The following ACVR2B variants were observed in gnomAD, a reference collection of about 807,000 sequenced individuals.
The protein encoded by ACVR2B is activin A receptor type 2B.
In ACVR2B, 18 loss-of-function variants were observed where a neutral mutation model predicts 65.1. The ratio of observed to expected loss-of-function variants is 0.28; its 90% CI spans 0.19 to 0.41. ACVR2B has a LOEUF of 0.41. Ranked by LOEUF, ACVR2B falls within the 10% of genes least tolerant of loss-of-function variation. The pLI, the probability that ACVR2B is intolerant of heterozygous loss-of-function variation, is 1.00. For missense variants in ACVR2B, 482 were observed against 682.7 expected (o/e 0.71, Z 3.28); for synonymous variants, 298 against 277.7 (o/e 1.07, Z -0.73).
chr3:38,467,205 C>T (rs911709150), intron 1 of ACVR2B, among the ~76,000 whole-genome samples: 1 of 151,986 alleles, frequency 6.6e-6, no homozygotes, highest in Admixed American at 6.5e-5. Flanking sequence ...CCAAACACTT[C>T]GGGAGGCTGA....
At chr3:38,482,628 T>A in intron 10 of ACVR2B, 68 bp downstream of exon 10, 1 of 1,577,318 alleles carries the variant, frequency 6.3e-7, no homozygotes, top group Non-Finnish European at 8.6e-7. Context: ...GTGTAGCAGG[T>A]AAGCTGAAAT....
rs1173615395 is a variant in ACVR2B at position 38,490,754 on chromosome 3, A to G, written c.*7422A>G. 1 of 152,608 alleles carries G rather than the reference A, an allele frequency of 6.6e-6. No homozygotes were observed. Among genetic ancestry groups the G allele is most frequent in the East Asian group, 1.9e-4 (1 of 5,200 alleles). The allele number at this position is 152,608 out of a possible 1,614,324, so 9.5% of individuals were successfully genotyped here. On this transcript the variant is annotated 3_prime_UTR_variant, in exon 11 of 11. Transcript: ENST00000352511. ...TCTTGATACTGCAGACTTTTAACGT[A>G]CACATGCAGGAACCCTGCTGAGCGT...
chr3:38,475,118 C>G (rs976105153), intron 1 of ACVR2B: 23 of 152,460 alleles, frequency 1.5e-4, no homozygotes, highest in African/African-American at 5.3e-4. Context: ...TTCGAATAAC[C>G]CAGTAATTGG....
chr3:38,474,892 G>A (rs1181423326), intron 1 of ACVR2B: 3 of 152,258 alleles, frequency 2.0e-5, no homozygotes, highest in Non-Finnish European at 2.9e-5. Context: ...CTTACGCTAA[G>A]CCTAGAAGCC....
At chr3:38,454,417 G>A in intron 1 of ACVR2B, 43 bp downstream of exon 1, 1 of 1,237,408 alleles carries the variant, frequency 8.1e-7, no homozygotes, top group Non-Finnish European at 1.0e-6. Context: ...AGGGCGCGCG[G>A]GGCTGGCCTC....
intron 6 of ACVR2B, 63 bp downstream of exon 6, chr3:38,479,334 A>C: frequency 6.2e-7 from 1 of 1,611,374 alleles, no homozygotes; most frequent in Non-Finnish European, 8.5e-7. Flanking sequence ...GTGGCTCTCC[A>C]TAATATGATG....
intron 1 of ACVR2B, among the ~76,000 whole-genome samples, chr3:38,460,459 A>C (rs537362927): frequency 6.6e-6 from 1 of 152,330 alleles, no homozygotes; most frequent in East Asian, 1.9e-4. Flanking sequence ...TGGATAAAGC[A>C]GGCTGGGATT....
intron 1 of ACVR2B, among the ~76,000 whole-genome samples, chr3:38,463,675 A>G (rs1322666725): frequency 6.6e-6 from 1 of 152,182 alleles, no homozygotes; most frequent in African/African-American, 2.4e-5. Context: ...ATGACACTCA[A>G]GTTTGTGGAA....
At chr3:38,473,841 T>C (rs1165083030) in intron 1 of ACVR2B, 3 of 152,312 alleles carry the variant, frequency 2.0e-5, no homozygotes, top group Admixed American at 2.0e-4. Flanking sequence ...GGCTGCCATT[T>C]TTCGCTGGGT....
At chr3:38,480,625 C>A (rs1480262475) in intron 7 of ACVR2B, among the ~76,000 whole-genome samples, 2 of 152,142 alleles carry the variant, frequency 1.3e-5, no homozygotes, top group African/African-American at 4.8e-5. Context: ...GCTGAAGGGT[C>A]CCTGATGGTA....
In ACVR2B at chr3:38,490,384, C is replaced by T. The variant is rs867398132; in HGVS notation, c.*7052C>T. The T allele has an allele frequency of 1.4e-4, 22 of 152,386 alleles. No individual in the cohort carries two copies. The highest frequency in any genetic ancestry group is 3.6e-4 in the African/African-American group (15 of 41,334). 9.4% of individuals were successfully genotyped at this position (152,386 alleles called of 1,614,324 possible). A position where few individuals can be genotyped will look rare whatever the true frequency, so the allele number is the denominator to read the frequency against. ...GTGCTTTTTATTCATTCTGGTTGAG[C>T]GTATAGGTTTACACTTTACCCTTTT... On this transcript the variant is annotated 3_prime_UTR_variant, in exon 11 of 11. Transcript: ENST00000352511.
chr3:38,468,585 TACTA>T (rs751157890), intron 1 of ACVR2B, among the ~76,000 whole-genome samples: 16 of 152,212 alleles, frequency 1.1e-4, no homozygotes, highest in Non-Finnish European at 1.9e-4. Flanking sequence ...GACTGTACCT[TACTA>T]ACCAACTCTT....
chr3:38,472,152 CA>C (rs1709828923), intron 1 of ACVR2B, among the ~76,000 whole-genome samples: 1 of 152,200 alleles, frequency 6.6e-6, no homozygotes, highest in African/African-American at 2.4e-5. Flanking sequence ...TCTGTCTCTT[CA>C]GGTTCCCTCC....
rs1051655937 is a variant in ACVR2B at position 38,454,319 on chromosome 3, G to T, written c.-4G>T. Reference sequence around the variant, plus strand: ...CGGGTGTGCGCGGGGCGGCGCCGCGGAACATGACGGCGCCCTGGGTGGCCC... The same window carrying T: ...CGGGTGTGCGCGGGGCGGCGCCGCGTAACATGACGGCGCCCTGGGTGGCCC... On this transcript the variant is annotated 5_prime_UTR_variant, in exon 1 of 11. Coordinates refer to ENST00000352511, the MANE Select transcript of ACVR2B (RefSeq NM_001106.4). 39 of 1,294,752 alleles carry T rather than the reference G, an allele frequency of 3.0e-5. No individual in the cohort carries two copies. The highest frequency in any genetic ancestry group is 7.7e-5 in the African/African-American group (5 of 64,898). 80.2% of individuals were successfully genotyped at this position (1,294,752 alleles called of 1,614,324 possible).
Position 38,454,162 on chromosome 3 carries a change from G to C in ACVR2B, c.-161G>C. The C allele has an allele frequency of 2.4e-6, 1 of 418,380 alleles. No individual in the cohort carries two copies. Among genetic ancestry groups the C allele is most frequent in the East Asian group, 9.1e-5 (1 of 10,958 alleles). The allele number at this position is 418,380 out of a possible 1,614,324, so 25.9% of individuals were successfully genotyped here. A position where few individuals can be genotyped will look rare whatever the true frequency, so the allele number is the denominator to read the frequency against. Reference sequence around the variant, plus strand: ...CCCCGCCGACCGGCCCTTGGAGCCCGAACGCTGCTCGGGGACGAAGGCGCA... The same window carrying C: ...CCCCGCCGACCGGCCCTTGGAGCCCCAACGCTGCTCGGGGACGAAGGCGCA... On this transcript the variant is annotated 5_prime_UTR_variant, in exon 1 of 11. Coordinates refer to ENST00000352511, the MANE Select transcript of ACVR2B (RefSeq NM_001106.4).
intron 1 of ACVR2B, among the ~76,000 whole-genome samples, chr3:38,468,489 T>A (rs769065133): frequency 6.6e-6 from 1 of 152,236 alleles, no homozygotes; most frequent in African/African-American, 2.4e-5. Flanking sequence ...AGAGGCTCTC[T>A]GTTCATTTTC....
chr3:38,454,702 G>C (rs3749387), intron 1 of ACVR2B: 92,418 of 225,906 alleles, frequency 0.41, 22,324 homozygotes, highest in Non-Finnish European at 0.52. Context: ...AAACCTGAGC[G>C]TGGGGAAGGC....
rs2070489 is a variant in ACVR2B at position 38,477,933 on chromosome 3, A to G, written c.333A>G (p.Glu111=). ...FCCCEGNFCN[E]RFTHLPEAGG... ...GCTGTGAAGGCAACTTCTGCAACGA[A>G]CGCTTCACTCATTTGCCAGAGGCTG... The change falls in exon 3 of 11, where the codon GAA becomes GAG. Residue 111 remains glutamate (E), a synonymous_variant. Transcript: ENST00000352511. The surrounding 1 kb of genome is among the most constrained non-coding windows in gnomAD (Gnocchi z 6.7). The G allele has an allele frequency of 0.59, 950,251 of 1,613,688 alleles. 283,905 individuals are homozygous for G. The highest frequency in any genetic ancestry group is 0.62 in the Non-Finnish European group (727,174 of 1,179,880).
intron 1 of ACVR2B, among the ~76,000 whole-genome samples, chr3:38,469,059 G>A (rs1170350196): frequency 5.9e-5 from 9 of 152,134 alleles, no homozygotes; most frequent in South Asian, 2.1e-4. Context: ...GTTTCTAGGC[G>A]GGACTTCTGA....
Sources: gnomAD v4.1 joint callset for allele counts (sites outside exome capture counted in the v4.1 genomes callset) on GRCh38, gnomAD v4.1.1 for gene constraint, Gnocchi (gnomAD v3.1) non-coding constraint, MANE v1.5 for transcripts, NCBI Gene and HGNC (gene_info 2026-07-23, HGNC 2026-07-21) for gene names.